Variants in KAT2B observed in about 807,000 individuals in gnomAD.
KAT2B encodes the protein lysine acetyltransferase 2B.
KAT2B carries 36 observed loss-of-function variants against 105.9 expected under a neutral mutation model. The ratio of observed to expected loss-of-function variants is 0.34; its 90% confidence interval spans 0.26 to 0.45. The LOEUF (loss-of-function observed/expected upper bound fraction) is 0.45. Ranked by LOEUF, KAT2B falls within the 20% of genes least tolerant of loss-of-function variation. The probability of loss-of-function intolerance (pLI) is 1.00; values close to 1 mark genes in which losing one functional copy is unlikely to be tolerated. For synonymous variants in KAT2B, 397 were observed against 377.9 expected (o/e 1.05, Z -0.59); for missense variants, 820 against 1,021.6 (o/e 0.80, Z 2.69).
At chr3:20,104,142 G>A (rs927546107) in intron 5 of KAT2B, among the ~76,000 whole-genome samples, 1 of 152,114 alleles carries the variant, frequency 6.6e-6, no homozygotes. Context: ...AGATAGCAGG[G>A]AATAGAAAAA....
chr3:20,148,020 G>A (rs753308396), intron 15 of KAT2B, 21 bp downstream of exon 15: 2 of 1,611,348 alleles, frequency 1.2e-6, no homozygotes, highest in Admixed American at 3.3e-5. Flanking sequence ...CGGGCAAGAG[G>A]ATGTTAATGG....
At chr3:20,102,148 T>G (rs1698922086) in intron 5 of KAT2B, among the ~76,000 whole-genome samples, 1 of 152,048 alleles carries the variant, frequency 6.6e-6, no homozygotes, top group Admixed American at 6.6e-5. Flanking sequence ...AAACCCCATC[T>G]CTACTAAAAA....
intron 1 of KAT2B, among the ~76,000 whole-genome samples, chr3:20,046,192 A>G (rs187121981): frequency 6.6e-6 from 1 of 152,366 alleles, no homozygotes; most frequent in Admixed American, 6.5e-5. Context: ...GTCAGTGGCC[A>G]CAAAGCATTT....
At chr3:20,106,832 ACT>A (rs1699014463) in intron 5 of KAT2B, among the ~76,000 whole-genome samples, 1 of 150,586 alleles carries the variant, frequency 6.6e-6, no homozygotes, top group South Asian at 2.1e-4. Context: ...TGCTGTTTAG[ACT>A]CTAAATCAGC....
intron 5 of KAT2B, among the ~76,000 whole-genome samples, chr3:20,109,751 C>T (rs1699086826): frequency 6.6e-6 from 1 of 152,110 alleles, no homozygotes; most frequent in African/African-American, 2.4e-5. Flanking sequence ...TAATTTTTTT[C>T]TGCTACCAAG....
At chr3:20,123,270 CCTAA>C (rs911583507) in intron 9 of KAT2B, among the ~76,000 whole-genome samples, 4 of 152,238 alleles carry the variant, frequency 2.6e-5, no homozygotes, top group African/African-American at 7.2e-5. Context: ...ATACTTCACC[CCTAA>C]CTATTTTTGC....
rs1197282559 is a variant in KAT2B, at chr3:20,108,910, A to C, written c.852-2686A>C. Among the ~76,000 whole-genome samples the C allele has an allele frequency of 2.0e-5, 3 of 152,298 alleles. No individual in the cohort carries two copies. In the East Asian group the frequency reaches 5.8e-4, roughly 29 times the overall value. Reference sequence around the variant, plus strand: ...AATGCTTGATGATCTGAGGTGGAACAGTTTCATCTGGAAACCATCCCTTCT... The same window carrying C: ...AATGCTTGATGATCTGAGGTGGAACCGTTTCATCTGGAAACCATCCCTTCT... On this transcript the variant is annotated intron_variant, in intron 5 of 17. Coordinates refer to ENST00000263754, the MANE Select transcript of KAT2B (RefSeq NM_003884.5).
chr3:20,137,284 G>A (rs1041020724), intron 12 of KAT2B, among the ~76,000 whole-genome samples: 3 of 152,198 alleles, frequency 2.0e-5, no homozygotes, highest in African/African-American at 4.8e-5. Context: ...TCACCTGTCA[G>A]TGAGGTATAA....
At chr3:20,063,153 G>A (rs1438665875) in intron 1 of KAT2B, among the ~76,000 whole-genome samples, 1 of 151,484 alleles carries the variant, frequency 6.6e-6, no homozygotes, top group Non-Finnish European at 1.5e-5. Context: ...TTGCTGCCTC[G>A]AATTCCTAGG....
rs1252565385 is a variant in KAT2B at position 20,143,355 on chromosome 3, G to A, written c.2005-2961G>A. Among the ~76,000 whole-genome samples the A allele has an allele frequency of 3.3e-5, 5 of 152,006 alleles. No homozygotes were observed. The East Asian group carries it at 9.7e-4, about 29-fold the overall frequency. On this transcript the variant is annotated intron_variant, in intron 13 of 17. Transcript: ENST00000263754. ...GATACTATCTCACACCAGTCAGAAT[G>A]GCTATTATTAAGAAGTTAAAAAAAT...
At chr3:20,104,304 TA>T (rs1698960727) in intron 5 of KAT2B, among the ~76,000 whole-genome samples, 1 of 152,146 alleles carries the variant, frequency 6.6e-6, no homozygotes, top group Non-Finnish European at 1.5e-5. Context: ...AGGTGAAATG[TA>T]GACCAATAGC....
chr3:20,043,367 G>A (rs549411762), intron 1 of KAT2B, among the ~76,000 whole-genome samples: 3 of 152,204 alleles, frequency 2.0e-5, no homozygotes, highest in Non-Finnish European at 2.9e-5. Flanking sequence ...GTATGCATGT[G>A]TTGGGGGCCT....
chr3:20,094,369 C>G (rs1698773373), intron 2 of KAT2B, among the ~76,000 whole-genome samples: 1 of 152,162 alleles, frequency 6.6e-6, no homozygotes, highest in Non-Finnish European at 1.5e-5. Context: ...ATGATCCAAT[C>G]ACTTCCCAGC....
Position 20,040,582 on chromosome 3 carries a change from G to GC in KAT2B, c.110dup (p.Gln38AlafsTer70). On this transcript the variant is annotated frameshift_variant, in exon 1 of 18. Transcript: ENST00000263754. LOFTEE classifies it high-confidence loss of function. ...CGCAGCCTGCGGCGCTTCCGCCCGC[G>GC]CCCCCGCAGGGCTCCCCCTGCGCCG... The GC allele has an allele frequency of 8.6e-7, 1 of 1,166,392 alleles. No homozygotes were observed. The highest frequency in any genetic ancestry group is 1.1e-6 in the Non-Finnish European group (1 of 945,966). 72.3% of individuals were successfully genotyped at this position (1,166,392 alleles called of 1,614,324 possible). A position where few individuals can be genotyped will look rare whatever the true frequency, so the allele number is the denominator to read the frequency against.
intron 1 of KAT2B, among the ~76,000 whole-genome samples, chr3:20,055,393 G>A (rs145240236): frequency 2.5e-4 from 38 of 152,258 alleles, no homozygotes; most frequent in African/African-American, 7.9e-4. Flanking sequence ...CAGACAATAA[G>A]CCAGAAAATA....
intron 8 of KAT2B, among the ~76,000 whole-genome samples, chr3:20,121,128 G>C (rs1017111451): frequency 1.3e-5 from 2 of 152,072 alleles, no homozygotes; most frequent in African/African-American, 4.8e-5. Flanking sequence ...TGAAAATATT[G>C]TTACTTGTCT....
rs1699909588 is a variant in KAT2B, at chr3:20,153,960, T to C, written c.*1435T>C. 2 of 152,530 alleles carry C rather than the reference T, an allele frequency of 1.3e-5. No homozygotes were observed. The highest frequency in any genetic ancestry group is 1.5e-5 in the Non-Finnish European group (1 of 68,018). 9.4% of individuals were successfully genotyped at this position (152,530 alleles called of 1,614,324 possible). On this transcript the variant is annotated 3_prime_UTR_variant, in exon 18 of 18. Coordinates refer to ENST00000263754, the MANE Select transcript of KAT2B (RefSeq NM_003884.5). The stretch of plus-strand genomic sequence containing the variant: ...TGAGTTGGAAGTATTGTTTTTGATA[T>C]GTAAGAGATATTCAGAATGCTCACA...
intron 1 of KAT2B, among the ~76,000 whole-genome samples, chr3:20,052,763 T>C (rs1004076400): frequency 3.3e-5 from 5 of 150,406 alleles, no homozygotes; most frequent in African/African-American, 1.2e-4. Flanking sequence ...AGGTCGGGAG[T>C]TTGAGACCAG....
intron 1 of KAT2B, among the ~76,000 whole-genome samples, chr3:20,044,170 G>A (rs1261668322): frequency 6.6e-6 from 1 of 151,996 alleles, no homozygotes; most frequent in African/African-American, 2.4e-5. Flanking sequence ...AGTCATTTTG[G>A]TTCTGTGTTC....
Sources: allele counts gnomAD v4.1 joint callset (sites outside exome capture counted in the v4.1 genomes callset), GRCh38; gene constraint gnomAD v4.1.1; transcripts MANE v1.5; gene names NCBI Gene and HGNC (gene_info 2026-07-23, HGNC 2026-07-21).